SCML4: variants seen among roughly 807,000 people sequenced by gnomAD.
SCML4 encodes Scm polycomb group protein like 4, also known as sex comb on midleg-like protein 4.
Under a neutral mutation model 41.1 loss-of-function variants are expected in SCML4, and 34 were observed. The observed-to-expected ratio is 0.83, with a 90% CI of 0.63 to 1.10. The LOEUF (loss-of-function observed/expected upper bound fraction) is 1.10, where lower values mean the gene tolerates loss of function less well. SCML4 is among the 50% of genes least tolerant of loss of function. The probability of loss-of-function intolerance (pLI) is 0.00; values close to 1 mark genes in which losing one functional copy is unlikely to be tolerated. For missense variants in SCML4, 522 were observed against 534.1 expected (o/e 0.98, Z 0.22); for synonymous variants, 214 against 220.9 (o/e 0.97, Z 0.28).
chr6:107,802,942 C>T (rs994927450), intron 1 of SCML4, among the ~76,000 whole-genome samples: 39 of 151,974 alleles, frequency 2.6e-4, no homozygotes, highest in African/African-American at 8.0e-4. Flanking sequence ...GACGGGTTTT[C>T]GCTGTGTTGG....
At position 107,720,719 on chromosome 6, in the gene SCML4, A is replaced by G. The variant is rs1429371493; in HGVS notation, c.957T>C (p.Leu319=). 1.9e-6 allele frequency: 3 copies of G among 1,569,404 alleles called. No homozygotes were observed. Among genetic ancestry groups the G allele is most frequent in the Non-Finnish European group, 2.6e-6 (3 of 1,161,516 alleles). The change falls in exon 6 of 8, where the codon CTT becomes CTC. Residue 319 remains leucine, a synonymous_variant. Coordinates refer to ENST00000369020, the MANE Select transcript of SCML4 (RefSeq NM_198081.5). The stretch of plus-strand genomic sequence containing the variant: ...TTACATTACCACATCTGTTTCCTTC[A>G]AGAGAGGTCGTGTTTCTCTTGGGGC... ...ASSPKRNTTS[L]EGNRCASSPS...
At chr6:107,756,817 G>A (rs1223452121) in intron 2 of SCML4, among the ~76,000 whole-genome samples, 2 of 152,184 alleles carry the variant, frequency 1.3e-5, no homozygotes, top group Admixed American at 6.6e-5. Context: ...AGAATAAACT[G>A]GGTAAATGGA....
At chr6:107,785,384 C>T (rs938518581) in intron 1 of SCML4, among the ~76,000 whole-genome samples, 1 of 152,218 alleles carries the variant, frequency 6.6e-6, no homozygotes, top group African/African-American at 2.4e-5. Context: ...TGATCTCAGG[C>T]TGCAGCGAAT....
At chr6:107,712,095 T>C (rs1774279598) in intron 6 of SCML4, among the ~76,000 whole-genome samples, 1 of 152,140 alleles carries the variant, frequency 6.6e-6, no homozygotes, top group African/African-American at 2.4e-5. Flanking sequence ...TCCACACTTA[T>C]TAAAGATGAT....
At chr6:107,810,812 T>C (rs1784105203) in intron 1 of SCML4, among the ~76,000 whole-genome samples, 1 of 152,112 alleles carries the variant, frequency 6.6e-6, no homozygotes, top group Admixed American at 6.5e-5. Context: ...AGATAGGCTA[T>C]TTTATCTTTT....
intron 1 of SCML4, among the ~76,000 whole-genome samples, chr6:107,799,526 T>C (rs1341767445): frequency 6.6e-6 from 1 of 152,234 alleles, no homozygotes; most frequent in East Asian, 1.9e-4. Flanking sequence ...TCTCTGCCTT[T>C]TAATATGTGT....
chr6:107,766,418 C>T (rs1325012919), intron 2 of SCML4, among the ~76,000 whole-genome samples: 2 of 151,264 alleles, frequency 1.3e-5, no homozygotes, highest in Non-Finnish European at 2.9e-5. Context: ...TATGATCTCG[C>T]TCCTGAATAA....
chr6:107,705,857 C>A (rs941575574), intron 7 of SCML4, among the ~76,000 whole-genome samples: 2 of 152,182 alleles, frequency 1.3e-5, no homozygotes, highest in East Asian at 3.9e-4. Flanking sequence ...AAGAATGCCC[C>A]TGCTTCATCT....
chr6:107,747,676 A>G (rs1273698657), intron 3 of SCML4, among the ~76,000 whole-genome samples: 1 of 151,718 alleles, frequency 6.6e-6, no homozygotes, highest in Non-Finnish European at 1.5e-5. Context: ...GTTTTCATAT[A>G]TGATAGATTT....
chr6:107,786,319 G>A (rs1199795773), intron 1 of SCML4, among the ~76,000 whole-genome samples: 1 of 152,196 alleles, frequency 6.6e-6, no homozygotes, highest in Non-Finnish European at 1.5e-5. Context: ...ACCAGTGTCA[G>A]TTTCTGCCTG....
intron 1 of SCML4, among the ~76,000 whole-genome samples, chr6:107,811,899 C>G (rs1784185062): frequency 6.6e-6 from 1 of 152,216 alleles, no homozygotes. Context: ...CATATTTTAA[C>G]CATCCCATCT....
chr6:107,739,208 T>A (rs1426296029), intron 5 of SCML4, among the ~76,000 whole-genome samples: 4 of 152,144 alleles, frequency 2.6e-5, no homozygotes, highest in Non-Finnish European at 5.9e-5. Flanking sequence ...TGGTGGGTGA[T>A]AACAATGCCC....
intron 1 of SCML4, among the ~76,000 whole-genome samples, chr6:107,822,718 T>A (rs6568509): frequency 0.28 from 43,117 of 151,756 alleles, 9,094 homozygotes; most frequent in African/African-American, 0.6. Context: ...TCATATTTTT[T>A]AAAAATTCTG....
chr6:107,754,871 G>A, intron 2 of SCML4, among the ~76,000 whole-genome samples: 1 of 152,162 alleles, frequency 6.6e-6, no homozygotes, highest in African/African-American at 2.4e-5. Flanking sequence ...CACTTTGGGA[G>A]GCCAAGACGG....
intron 6 of SCML4, among the ~76,000 whole-genome samples, chr6:107,711,656 C>G (rs763833546): frequency 6.6e-6 from 1 of 152,170 alleles, no homozygotes; most frequent in African/African-American, 2.4e-5. Flanking sequence ...ACTCTGCAGA[C>G]ACAGTCTCGG....
In SCML4 at chr6:107,746,724, A is replaced by T. The variant is rs201217173; in HGVS notation, c.452T>A (p.Leu151Gln). ...CTCACCACCATAGCCCTGCTTGACC[A>T]GGGAGAAGACCAGCTTCTGCTGGTG... is the stretch of plus-strand genomic sequence containing the variant. Reference protein sequence around the residue: ...CAHQQKLVFSLVKQGYGGEMV... With the variant: ...CAHQQKLVFSQVKQGYGGEMV... Residue 151 changes from leucine to glutamine, a missense_variant, in exon 4 of 8, where the codon CTG (leucine) becomes CAG (glutamine). Coordinates refer to ENST00000369020, the MANE Select transcript of SCML4 (RefSeq NM_198081.5). 9.4e-5 allele frequency: 152 copies of T among 1,614,038 alleles called. No individual in the cohort carries two copies. The highest frequency in any genetic ancestry group is 1.2e-4 in the Non-Finnish European group (143 of 1,180,014).
chr6:107,705,224 G>T lies in SCML4; in HGVS notation c.1221C>A (p.Asp407Glu), dbSNP rs1773483080. 2 of 1,551,550 alleles carry T rather than the reference G, an allele frequency of 1.3e-6. No homozygotes were observed. The highest frequency in any genetic ancestry group is 3.9e-5 in the Admixed American group (2 of 50,976). The change falls in exon 8 of 8, where the codon GAC (aspartate) becomes GAA (glutamate). Residue 407 changes from aspartate to glutamate, a missense_variant. Transcript: ENST00000369020. ...GPALKLCYHI[D>E]KLKQAKF is the part of the protein sequence containing the mutation. ...GTCAGAACTTGGCTTGCTTCAGTTT[G>T]TCAATGTGGTAGCAGAGTTTCAGTG... is the stretch of plus-strand genomic sequence containing the variant.
intron 5 of SCML4, among the ~76,000 whole-genome samples, chr6:107,731,268 C>T (rs1249038272): frequency 6.6e-6 from 1 of 152,258 alleles, no homozygotes; most frequent in Non-Finnish European, 1.5e-5. Context: ...TAACTGCTTA[C>T]AGCCCAGTGG....
At chr6:107,786,012 C>T (rs1444640540) in intron 1 of SCML4, among the ~76,000 whole-genome samples, 1 of 152,146 alleles carries the variant, frequency 6.6e-6, no homozygotes, top group African/African-American at 2.4e-5. Context: ...ACATCTAGGA[C>T]AGCTAGGCTG....
Sources: allele counts gnomAD v4.1 joint callset (sites outside exome capture counted in the v4.1 genomes callset), GRCh38; gene constraint gnomAD v4.1.1; transcripts MANE v1.5; gene names NCBI Gene and HGNC (gene_info 2026-07-23, HGNC 2026-07-21).